Variants in RGMA observed in about 807,000 individuals in gnomAD.
RGMA encodes repulsive guidance molecule A.
RGMA carries 10 observed loss-of-function variants against 23.2 expected under a neutral mutation model. That is an observed-to-expected ratio of 0.43 (90% confidence interval 0.27 to 0.73). The LOEUF is 0.73. RGMA is among the 30% of genes least tolerant of loss of function. RGMA has a pLI of 0.20. For missense variants in RGMA, 547 were observed against 630.5 expected (o/e 0.87, Z 1.42); for synonymous variants, 308 against 279.3 (o/e 1.10, Z -1.03).
At chr15:93,063,992 C>T (rs181492118) in intron 2 of RGMA, among the ~76,000 whole-genome samples, 106 of 152,322 alleles carry the variant, frequency 7.0e-4, no homozygotes, top group African/African-American at 2.5e-3. Flanking sequence ...CTCACTCATA[C>T]CAAGTGGCTA....
intron 2 of RGMA, among the ~76,000 whole-genome samples, chr15:93,061,234 A>G (rs1457989216): frequency 1.3e-5 from 2 of 151,656 alleles, no homozygotes; most frequent in Non-Finnish European, 2.9e-5. Flanking sequence ...GGCTCACACA[A>G]CCTCCACCTC....
intron 2 of RGMA, chr15:93,062,739 T>G (rs1424861469): frequency 6.6e-6 from 1 of 152,136 alleles, no homozygotes; most frequent in African/African-American, 2.4e-5. Context: ...CAAGGCTGCT[T>G]CTCCCACCAC....
chr15:93,062,158 G>C (rs1236518495), intron 2 of RGMA, among the ~76,000 whole-genome samples: 25 of 152,138 alleles, frequency 1.6e-4, no homozygotes, highest in Non-Finnish European at 8.8e-5. Context: ...AGCTGTTTTT[G>C]TCCAACTCTG....
At chr15:93,056,573 C>T (rs918223765) in intron 2 of RGMA, among the ~76,000 whole-genome samples, 1 of 152,190 alleles carries the variant, frequency 6.6e-6, no homozygotes, top group African/African-American at 2.4e-5. Flanking sequence ...CCGTTGCACA[C>T]AGGAACCAGG....
At position 93,052,427 on chromosome 15, in the gene RGMA, C is replaced by A. The variant is rs139540598; in HGVS notation, c.211G>T (p.Asp71Tyr). 9.4e-6 allele frequency: 15 copies of A among 1,595,880 alleles called. No homozygotes were observed. The highest frequency in any genetic ancestry group is 3.3e-4 in the Middle Eastern group (2 of 6,048). The change falls in exon 3 of 4, where the codon GAC (aspartate) becomes TAC (tyrosine). Residue 71 changes from aspartate to tyrosine, a missense_variant. Around this residue, in one of 3 missense-constraint regions of RGMA, gnomAD observed 214 missense variants for 234.7 expected, o/e 0.91. Coordinates refer to ENST00000329082, the MANE Select transcript of RGMA (RefSeq NM_020211.3). ...TSGSHAPASDDTPEFCAALRS... is the reference protein window; with the variant it reads ...TSGSHAPASDYTPEFCAALRS... ...AAGGCTGCACAGAACTCGGGGGTGT[C>A]GTCTGAGGCTGGGGCGTGGCTGCCC...
At chr15:93,058,822 C>T (rs1003364315) in intron 2 of RGMA, among the ~76,000 whole-genome samples, 11 of 152,252 alleles carry the variant, frequency 7.2e-5, no homozygotes, top group South Asian at 2.1e-4. Flanking sequence ...GCCACAAAGA[C>T]GAACGAAGAC....
chr15:93,054,396 T>G (rs1413105609), intron 2 of RGMA, among the ~76,000 whole-genome samples: 1 of 152,116 alleles, frequency 6.6e-6, no homozygotes, highest in African/African-American at 2.4e-5. Flanking sequence ...CACCTTGAAC[T>G]GTAATAATCT....
chr15:93,069,603 T>C (rs891111632), intron 2 of RGMA, among the ~76,000 whole-genome samples: 3 of 152,318 alleles, frequency 2.0e-5, no homozygotes, highest in Middle Eastern at 3.4e-3. Flanking sequence ...AGTGCAATAG[T>C]TCTTAGAACA....
At chr15:93,070,628 A>G (rs1013532458) in intron 2 of RGMA, among the ~76,000 whole-genome samples, 1 of 152,220 alleles carries the variant, frequency 6.6e-6, no homozygotes, top group Non-Finnish European at 1.5e-5. Flanking sequence ...TCTAGAGCAC[A>G]CAAGTTTTGG....
rs5814563 is a variant in RGMA, at chr15:93,069,106, A to AT, written c.130+3809dup. Among the ~76,000 whole-genome samples, 412 of 151,778 alleles carry AT rather than the reference A, an allele frequency of 2.7e-3. 2 individuals carry two copies. The highest frequency in any genetic ancestry group is 9.2e-3 in the African/African-American group (381 of 41,302). On this transcript the variant is annotated intron_variant, in intron 2 of 3. Coordinates refer to ENST00000329082, the MANE Select transcript of RGMA (RefSeq NM_020211.3). ...GGTAAGCAGGCTGATCTGCTGATGC[A>AT]TTTTTTTTTTGTTTGTTTTTTGAGA... is the stretch of plus-strand genomic sequence containing the variant.
chr15:93,050,801 C>G (rs1443176650), intron 3 of RGMA, among the ~76,000 whole-genome samples: 2 of 152,314 alleles, frequency 1.3e-5, no homozygotes, highest in Non-Finnish European at 2.9e-5. Flanking sequence ...CCCTTGGGAA[C>G]CTGCAGGATG....
At position 93,074,008 on chromosome 15, in the gene RGMA, G is replaced by A. The variant is rs1012278627; in HGVS notation, c.15-977C>T. 40 of 1,381,522 alleles carry A rather than the reference G, an allele frequency of 2.9e-5. No homozygotes were observed. In the East Asian group the frequency reaches 6.2e-4, roughly 22 times the overall value. The allele number at this position is 1,381,522 out of a possible 1,614,324, so 85.6% of individuals were successfully genotyped here. On this transcript the variant is annotated intron_variant, in intron 1 of 3. Coordinates refer to ENST00000329082, the MANE Select transcript of RGMA (RefSeq NM_020211.3). ...TATGGTGACCTTTCCTAACTCTGTCGCTTATTTTTCTGGGAAAGAAACATC... is the reference window on the plus strand; with the variant it reads ...TATGGTGACCTTTCCTAACTCTGTCACTTATTTTTCTGGGAAAGAAACATC...
At position 93,044,094 on chromosome 15, in the gene RGMA, G is replaced by A. The variant is rs1340704140; in HGVS notation, c.*904C>T. 4 of 152,440 alleles carry A rather than the reference G, an allele frequency of 2.6e-5. No homozygotes were observed. Among genetic ancestry groups the A allele is most frequent in the Non-Finnish European group, 5.9e-5 (4 of 68,218 alleles). The allele number at this position is 152,440 out of a possible 1,614,324, so 9.4% of individuals were successfully genotyped here. On this transcript the variant is annotated 3_prime_UTR_variant, in exon 4 of 4. Coordinates refer to ENST00000329082, the MANE Select transcript of RGMA (RefSeq NM_020211.3). ...ATGGACCGGGCTGGGGGCTCTTGGGGTTGTGAGGAGGAAGCAGAGGATCAG... is the reference window on the plus strand; with the variant it reads ...ATGGACCGGGCTGGGGGCTCTTGGGATTGTGAGGAGGAAGCAGAGGATCAG...
intron 2 of RGMA, among the ~76,000 whole-genome samples, chr15:93,071,169 C>T (rs1895309822): frequency 6.6e-6 from 1 of 152,244 alleles, no homozygotes; most frequent in African/African-American, 2.4e-5. Flanking sequence ...ATCAACCCAT[C>T]TGATAAAACT....
In RGMA at chr15:93,040,883, A is replaced by G. The variant is rs1269985744; in HGVS notation, c.*4115T>C. 6.6e-6 allele frequency: 1 copy of G among 152,182 alleles called. No homozygotes were observed. The highest frequency in any genetic ancestry group is 2.4e-5 in the African/African-American group (1 of 41,440). The allele number at this position is 152,182 out of a possible 1,614,324, so 9.4% of individuals were successfully genotyped here. A position where few individuals can be genotyped will look rare whatever the true frequency, so the allele number is the denominator to read the frequency against. On this transcript the variant is annotated 3_prime_UTR_variant, in exon 4 of 4. Transcript: ENST00000329082. ...ATGTGCGAGGCCATTGACGAGTGTT[A>G]GCTCACTGGATTTCCATACTGACCT...
chr15:93,061,435 C>T (rs949869080), intron 2 of RGMA, among the ~76,000 whole-genome samples: 1 of 152,242 alleles, frequency 6.6e-6, no homozygotes, highest in African/African-American at 2.4e-5. Flanking sequence ...CCGGCATGAG[C>T]CACCACGCCT....
Position 93,037,011 on chromosome 15 carries a change from C to T in RGMA, c.*7987G>A, listed in dbSNP as rs1414633253. The T allele has an allele frequency of 6.6e-6, 1 of 152,270 alleles. No individual in the cohort carries two copies. The highest frequency in any genetic ancestry group is 1.5e-5 in the Non-Finnish European group (1 of 68,074). The allele number at this position is 152,270 out of a possible 1,614,324, so 9.4% of individuals were successfully genotyped here. ...CTCACCATGCACGTGGACCAGAGCC[C>T]ACTCCATGGCTGGGCGAGCTGGGCA... is the stretch of plus-strand genomic sequence containing the variant. On this transcript the variant is annotated 3_prime_UTR_variant, in exon 4 of 4. Transcript: ENST00000329082. The surrounding 1 kb of genome is among the most constrained non-coding windows in gnomAD (Gnocchi z 4.3).
intron 1 of RGMA, among the ~76,000 whole-genome samples, chr15:93,084,809 A>C (rs1895612428): frequency 6.6e-6 from 1 of 152,146 alleles, no homozygotes; most frequent in South Asian, 2.1e-4. Flanking sequence ...TGGAGAGGAG[A>C]GACACATCAT....
intron 1 of RGMA, among the ~76,000 whole-genome samples, chr15:93,078,512 G>A (rs1393809987): frequency 6.6e-6 from 1 of 152,114 alleles, no homozygotes; most frequent in Non-Finnish European, 1.5e-5. Context: ...AGACTTTAAG[G>A]GCCGTCCTGG....
Sources: gnomAD v4.1 joint callset for allele counts (sites outside exome capture counted in the v4.1 genomes callset) on GRCh38, gnomAD v4.1.1 for gene constraint, gnomAD v4.1.1 regional missense constraint, Gnocchi (gnomAD v3.1) non-coding constraint, MANE v1.5 for transcripts, NCBI Gene and HGNC (gene_info 2026-07-23, HGNC 2026-07-21) for gene names.